Variants in SLC9A4 observed in about 807,000 individuals in gnomAD.
SLC9A4 encodes sodium/hydrogen exchanger 4.
Under a neutral mutation model 67.4 loss-of-function variants are expected in SLC9A4, and 63 were observed. That is an observed-to-expected ratio of 0.93 (90% CI 0.76 to 1.15). SLC9A4 has a LOEUF of 1.15. SLC9A4 is among the 50% of genes most tolerant of loss of function. SLC9A4 has a pLI of 0.00. For missense variants in SLC9A4, 1,089 were observed against 987.7 expected (o/e 1.10, Z -1.38); for synonymous variants, 393 against 367.2 (o/e 1.07, Z -0.80).
chr2:102,517,305 G>T (rs957826164), intron 8 of SLC9A4, among the ~76,000 whole-genome samples: 3 of 152,102 alleles, frequency 2.0e-5, no homozygotes, highest in Non-Finnish European at 4.4e-5. Context: ...CATCTTAGCT[G>T]CTTAAAAAAA....
chr2:102,493,749 A>T (rs1442277329), intron 2 of SLC9A4, among the ~76,000 whole-genome samples: 1 of 151,804 alleles, frequency 6.6e-6, no homozygotes, highest in Non-Finnish European at 1.5e-5. Flanking sequence ...CTGTCCCACA[A>T]CTCATAGTTG....
At chr2:102,506,493 G>A (rs1419513843) in intron 4 of SLC9A4, among the ~76,000 whole-genome samples, 2 of 152,166 alleles carry the variant, frequency 1.3e-5, no homozygotes, top group Middle Eastern at 3.2e-3. Context: ...GAATATATAT[G>A]TTTGTTGGGC....
At chr2:102,531,363 A>G (rs187335011) in intron 11 of SLC9A4, among the ~76,000 whole-genome samples, 1 of 152,304 alleles carries the variant, frequency 6.6e-6, no homozygotes, top group East Asian at 1.9e-4. Context: ...TGCACATTGA[A>G]GTGGGGACAA....
chr2:102,527,116 A>C (rs1674681378), intron 11 of SLC9A4, among the ~76,000 whole-genome samples: 1 of 152,184 alleles, frequency 6.6e-6, no homozygotes, highest in Non-Finnish European at 1.5e-5. Context: ...CAAAGTCAAA[A>C]TCATTCAGTA....
At chr2:102,505,615 A>C (rs1292909500) in intron 4 of SLC9A4, 144 bp downstream of exon 4, 1 of 726,948 alleles carries the variant, frequency 1.4e-6, no homozygotes, top group East Asian at 2.7e-5. Flanking sequence ...GGTCGTGAGC[A>C]GGAATCTTTT....
intron 7 of SLC9A4, among the ~76,000 whole-genome samples, chr2:102,512,621 G>C (rs1386358143): frequency 1.3e-5 from 2 of 152,188 alleles, no homozygotes; most frequent in Non-Finnish European, 2.9e-5. Flanking sequence ...GTTTAGAAAG[G>C]GAGCTTGGTG....
Position 102,510,092 on chromosome 2 carries a change from C to T in SLC9A4, c.1488+1159C>T, listed in dbSNP as rs115671233. On this transcript the variant is annotated intron_variant, in intron 6 of 11. Transcript: ENST00000295269. ...TCTTGCTTATAGAATTGTGAGGGTC[C>T]GACATCTTTCTTTCATTTTGTCCTC... 2.3e-3 allele frequency among the ~76,000 whole-genome samples: 350 copies of T among 151,742 alleles called. 2 individuals are homozygous for T. The highest frequency in any genetic ancestry group is 7.9e-3 in the African/African-American group (326 of 41,348).
At position 102,519,956 on chromosome 2, in the gene SLC9A4, G is replaced by A. The variant is rs767158033; in HGVS notation, c.1818+1G>A. 1.2e-6 allele frequency: 2 copies of A among 1,612,962 alleles called. No homozygotes were observed. Among genetic ancestry groups the A allele is most frequent in the Non-Finnish European group, 1.7e-6 (2 of 1,179,176 alleles). On this transcript the variant is annotated splice_donor_variant, in intron 9 of 11. Coordinates refer to ENST00000295269, the MANE Select transcript of SLC9A4 (RefSeq NM_001011552.4). LOFTEE classifies it high-confidence loss of function. ...CAACATGTACCAAGTTCGGCAAAGG[G>A]TGTGTATGAGCCACCTGTGTTGTCC... is the stretch of plus-strand genomic sequence containing the variant.
rs748953444 is a variant in SLC9A4, at chr2:102,503,704, TG to T, written c.979del (p.Ala327GlnfsTer7). The T allele has an allele frequency of 6.2e-7, 1 of 1,614,050 alleles. No homozygotes were observed. On this transcript the variant is annotated frameshift_variant and splice_region_variant, in exon 3 of 12. Transcript: ENST00000295269. LOFTEE classifies it high-confidence loss of function. ...GAAACCCTCTATCTCTCCGGCATCC[TG>T]GCGTGAGTACAAACCAAGGATCAAG... ...AAETLYLSGI[L>X]AITACAVTMK...
chr2:102,532,800 G>C lies in SLC9A4; in HGVS notation c.*112G>C. The C allele has an allele frequency of 8.6e-7, 1 of 1,160,436 alleles. No individual in the cohort carries two copies. Among genetic ancestry groups the C allele is most frequent in the Non-Finnish European group, 1.2e-6 (1 of 830,136 alleles). 71.9% of individuals were successfully genotyped at this position (1,160,436 alleles called of 1,614,324 possible). Reference sequence around the variant, plus strand: ...GAGCTATTGAGTTTGCTGTGTTGAAGCTATTAAACATGGATCTATAAGCAG... The same window carrying C: ...GAGCTATTGAGTTTGCTGTGTTGAACCTATTAAACATGGATCTATAAGCAG... On this transcript the variant is annotated 3_prime_UTR_variant, in exon 12 of 12. Coordinates refer to ENST00000295269, the MANE Select transcript of SLC9A4 (RefSeq NM_001011552.4).
intron 2 of SLC9A4, among the ~76,000 whole-genome samples, chr2:102,495,873 AT>A (rs1453215220): frequency 6.6e-6 from 1 of 152,192 alleles, no homozygotes; most frequent in Non-Finnish European, 1.5e-5. Flanking sequence ...AACATGTATC[AT>A]AGATGAAATG....
Position 102,533,784 on chromosome 2 carries a change from A to G in SLC9A4, c.*1096A>G, listed in dbSNP as rs540899590. 6.6e-6 allele frequency: 1 copy of G among 150,902 alleles called. No individual in the cohort carries two copies. Among genetic ancestry groups the G allele is most frequent in the African/African-American group, 2.4e-5 (1 of 41,050 alleles). The allele number at this position is 150,902 out of a possible 1,614,324, so 9.3% of individuals were successfully genotyped here. ...TTGGGATAGTTTACTGAGAATGATG[A>G]TTTCCAATTTCATCCATGTCCCTAC... is the stretch of plus-strand genomic sequence containing the variant. On this transcript the variant is annotated 3_prime_UTR_variant, in exon 12 of 12. Transcript: ENST00000295269.
Position 102,473,732 on chromosome 2 carries a change from G to A in SLC9A4, c.-28G>A. 1 of 1,610,992 alleles carries A rather than the reference G, an allele frequency of 6.2e-7. No individual in the cohort carries two copies. Among genetic ancestry groups the A allele is most frequent in the South Asian group, 1.1e-5 (1 of 90,886 alleles). On this transcript the variant is annotated 5_prime_UTR_variant, in exon 1 of 12. Transcript: ENST00000295269. ...CAGATGTGTGGCACACATCCACACA[G>A]GGGTGTAGGTAGGAGAAGCCCACAG...
At chr2:102,531,324 T>G (rs1434731121) in intron 11 of SLC9A4, among the ~76,000 whole-genome samples, 1 of 152,114 alleles carries the variant, frequency 6.6e-6, no homozygotes, top group African/African-American at 2.4e-5. Context: ...GTAAATGATA[T>G]ATGTGAGAAA....
At chr2:102,515,784 C>G (rs1685265318) in intron 8 of SLC9A4, among the ~76,000 whole-genome samples, 1 of 152,146 alleles carries the variant, frequency 6.6e-6, no homozygotes, top group Admixed American at 6.5e-5. Context: ...CCAATCCTGT[C>G]TGTTAAGACA....
chr2:102,510,272 C>CAGATACAGATACAGATACAGATATAT (rs61491026), intron 6 of SLC9A4, among the ~76,000 whole-genome samples: 2 of 126,258 alleles, frequency 1.6e-5, no homozygotes, highest in Non-Finnish European at 3.3e-5. Context: ...GATACAGATA[C>CAGATACAGATACAGATACAGATATAT]AGATATAGAT....
chr2:102,531,062 C>CTTTTTT (rs5833023), intron 11 of SLC9A4, among the ~76,000 whole-genome samples: 2 of 116,266 alleles, frequency 1.7e-5, no homozygotes, highest in African/African-American at 3.3e-5. Flanking sequence ...TACCTAAATT[C>CTTTTTT]TTTTTTTTTT....
chr2:102,477,731 C>T (rs1042560186), intron 1 of SLC9A4, among the ~76,000 whole-genome samples: 7 of 152,068 alleles, frequency 4.6e-5, no homozygotes, highest in African/African-American at 9.7e-5. Flanking sequence ...GCAGTGACAA[C>T]GGAATGAGAA....
chr2:102,520,556 T>C (rs2058657), intron 9 of SLC9A4, among the ~76,000 whole-genome samples: 115,203 of 152,070 alleles, frequency 0.76, 43,901 homozygotes, highest in Middle Eastern at 0.81. Flanking sequence ...AATATTCCAT[T>C]TAATTAGTCA....
Sources: allele counts gnomAD v4.1 joint callset (sites outside exome capture counted in the v4.1 genomes callset), GRCh38; gene constraint gnomAD v4.1.1; transcripts MANE v1.5; gene names NCBI Gene and HGNC (gene_info 2026-07-23, HGNC 2026-07-21).